Variants in PPM1L observed in about 807,000 individuals in gnomAD.
The protein encoded by PPM1L is protein phosphatase 1L.
Under a neutral mutation model 31.4 loss-of-function variants are expected in PPM1L, and 13 were observed. The ratio of observed to expected loss-of-function variants is 0.41; its 90% CI spans 0.27 to 0.66. PPM1L has a LOEUF of 0.66. PPM1L is among the 30% of genes least tolerant of loss of function. The pLI is 0.29. For synonymous variants in PPM1L, 184 were observed against 175.4 expected (o/e 1.05, Z -0.39); for missense variants, 326 against 453.7 (o/e 0.72, Z 2.56).
At chr3:160,836,077 G>T (rs2108101363) in intron 1 of PPM1L, among the ~76,000 whole-genome samples, 2 of 152,106 alleles carry the variant, frequency 1.3e-5, no homozygotes, top group African/African-American at 4.8e-5. Flanking sequence ...CTTATTATTT[G>T]GAAATACATG....
intron 2 of PPM1L, among the ~76,000 whole-genome samples, chr3:161,047,192 C>G (rs1002560128): frequency 6.6e-6 from 1 of 152,140 alleles, no homozygotes. Context: ...TAGAAAACCC[C>G]GTCATCTCAG....
intron 1 of PPM1L, among the ~76,000 whole-genome samples, chr3:160,868,460 C>T (rs971969289): frequency 2.6e-5 from 4 of 152,178 alleles, no homozygotes; most frequent in African/African-American, 9.6e-5. Context: ...AACATTAACA[C>T]CAGCTACTCT....
intron 1 of PPM1L, among the ~76,000 whole-genome samples, chr3:160,832,072 G>C (rs1037465927): frequency 2.0e-5 from 3 of 152,176 alleles, no homozygotes; most frequent in Non-Finnish European, 4.4e-5. Context: ...TACGTGGTAG[G>C]CTTAGTAGAA....
intron 1 of PPM1L, among the ~76,000 whole-genome samples, chr3:160,775,201 G>GGAA (rs1164869261): frequency 3.3e-5 from 5 of 152,190 alleles, no homozygotes; most frequent in African/African-American, 1.2e-4. Flanking sequence ...ACGGCTAAAT[G>GGAA]GAAGAGCTGA....
intron 1 of PPM1L, among the ~76,000 whole-genome samples, chr3:160,862,648 A>G (rs1015871137): frequency 2.1e-5 from 3 of 141,756 alleles, no homozygotes; most frequent in Non-Finnish European, 4.6e-5. Context: ...CTCCATTCCT[A>G]ATCCTAGGCA....
At chr3:160,757,715 A>G (rs1714851997) in intron 1 of PPM1L, among the ~76,000 whole-genome samples, 1 of 152,216 alleles carries the variant, frequency 6.6e-6, no homozygotes, top group Non-Finnish European at 1.5e-5. Context: ...TCATTGCTGC[A>G]TACTCTTTGT....
chr3:161,055,494 T>G (rs189085904), intron 2 of PPM1L, among the ~76,000 whole-genome samples: 21 of 152,286 alleles, frequency 1.4e-4, no homozygotes, highest in Non-Finnish European at 2.8e-4. Context: ...CACTCCAATG[T>G]AATTTCTGTC....
chr3:160,806,827 A>AGAAAGAAAGAAG (rs1281723845), intron 1 of PPM1L, among the ~76,000 whole-genome samples: 1 of 151,218 alleles, frequency 6.6e-6, no homozygotes, highest in Non-Finnish European at 1.5e-5. Context: ...GAAAAAGAAA[A>AGAAAGAAAGAAG]GAAAGAAAGA....
chr3:160,915,958 T>A (rs1464121918), intron 1 of PPM1L, among the ~76,000 whole-genome samples: 13 of 151,998 alleles, frequency 8.6e-5, no homozygotes, highest in South Asian at 4.1e-4. Context: ...TAAAAACCCT[T>A]GAAGAAAACC....
chr3:160,907,822 A>G (rs1000086975), intron 1 of PPM1L, among the ~76,000 whole-genome samples: 2 of 152,212 alleles, frequency 1.3e-5, no homozygotes, highest in Non-Finnish European at 2.9e-5. Flanking sequence ...CAGCTGGAGC[A>G]GGAATGCAGC....
intron 1 of PPM1L, among the ~76,000 whole-genome samples, chr3:160,939,241 G>A (rs1371344629): frequency 1.3e-5 from 2 of 151,920 alleles, no homozygotes; most frequent in East Asian, 1.9e-4. Flanking sequence ...CCAAACACAC[G>A]TACATACTCT....
At chr3:161,066,595 C>T (rs184922077) in intron 3 of PPM1L, among the ~76,000 whole-genome samples, 292 of 152,234 alleles carry the variant, frequency 1.9e-3, no homozygotes, top group African/African-American at 6.7e-3. Context: ...CAGAGAATAC[C>T]TTTATACCTA....
At chr3:160,829,485 A>G (rs1225716167) in intron 1 of PPM1L, among the ~76,000 whole-genome samples, 1 of 152,186 alleles carries the variant, frequency 6.6e-6, no homozygotes, top group Non-Finnish European at 1.5e-5. Context: ...ACTGTGGTTA[A>G]GGAGGCTGCT....
chr3:160,885,836 TG>T (rs1014134928), intron 1 of PPM1L, among the ~76,000 whole-genome samples: 1 of 152,158 alleles, frequency 6.6e-6, no homozygotes, highest in African/African-American at 2.4e-5. Context: ...GGAGCTCCCC[TG>T]GGGGAGGGGC....
chr3:160,800,257 A>G (rs182496702), intron 1 of PPM1L, among the ~76,000 whole-genome samples: 144 of 152,286 alleles, frequency 9.5e-4, no homozygotes, highest in African/African-American at 2.9e-3. Flanking sequence ...TTTTAATTTT[A>G]GAGAACTTTT....
chr3:160,871,318 A>C (rs1256573729), intron 1 of PPM1L, among the ~76,000 whole-genome samples: 1 of 152,160 alleles, frequency 6.6e-6, no homozygotes, highest in Non-Finnish European at 1.5e-5. Flanking sequence ...TTAAAGGGAC[A>C]GATCTGATGT....
chr3:161,057,207 T>C (rs1719437709), intron 2 of PPM1L, among the ~76,000 whole-genome samples: 1 of 152,162 alleles, frequency 6.6e-6, no homozygotes, highest in Admixed American at 6.5e-5. Flanking sequence ...CTGGCAGCCA[T>C]GAGATGTGAT....
intron 2 of PPM1L, among the ~76,000 whole-genome samples, chr3:161,063,305 GT>G (rs1366920636): frequency 6.6e-6 from 1 of 151,902 alleles, no homozygotes; most frequent in Non-Finnish European, 1.5e-5. Context: ...TTTAAAAATT[GT>G]TTTGATAATC....
chr3:160,832,561 T>A (rs542449224), intron 1 of PPM1L, among the ~76,000 whole-genome samples: 62 of 152,288 alleles, frequency 4.1e-4, no homozygotes, highest in East Asian at 1.7e-3. Context: ...TGCATTTTTT[T>A]AATTTTGAAA....
Sources: allele counts gnomAD v4.1 joint callset (sites outside exome capture counted in the v4.1 genomes callset), GRCh38; gene constraint gnomAD v4.1.1; transcripts MANE v1.5; gene names NCBI Gene and HGNC (gene_info 2026-07-23, HGNC 2026-07-21).